The following TCF12 variants were observed in gnomAD, a reference collection of about 807,000 sequenced individuals.
The protein encoded by TCF12 is DNA-binding protein HTF4.
TCF12 carries 45 observed loss-of-function variants against 86.0 expected under a neutral mutation model. The ratio of observed to expected loss-of-function variants is 0.52; its 90% CI spans 0.41 to 0.67. The LOEUF (loss-of-function observed/expected upper bound fraction) is 0.67, where lower values mean the gene tolerates loss of function less well. Among genes scored for constraint, TCF12 ranks in the 30% least tolerant of loss-of-function variants. The pLI is 0.00. For synonymous variants in TCF12, 330 were observed against 299.6 expected (o/e 1.10, Z -1.05); for missense variants, 881 against 859.9 (o/e 1.02, Z -0.31).
intron 3 of TCF12, among the ~76,000 whole-genome samples, chr15:56,990,586 TG>T (rs2140961314): frequency 6.6e-6 from 1 of 152,186 alleles, no homozygotes; most frequent in South Asian, 2.1e-4. Flanking sequence ...TCTACAGGTT[TG>T]GGGGGTAAAT....
intron 3 of TCF12, among the ~76,000 whole-genome samples, chr15:57,048,140 A>G (rs950469239): frequency 1.3e-5 from 2 of 152,200 alleles, no homozygotes; most frequent in Admixed American, 1.3e-4. Context: ...ATAACATTGC[A>G]TTTACCTTCT....
intron 5 of TCF12, among the ~76,000 whole-genome samples, chr15:57,123,968 C>CAA (rs71113066): frequency 2.5e-5 from 2 of 81,070 alleles, no homozygotes; most frequent in Non-Finnish European, 2.5e-5. Context: ...GACTCCGTCT[C>CAA]AAAAAAAAAA....
At chr15:57,204,282 C>T in intron 8 of TCF12, among the ~76,000 whole-genome samples, 1 of 151,936 alleles carries the variant, frequency 6.6e-6, no homozygotes, top group East Asian at 1.9e-4. Context: ...CACACACACA[C>T]AAAAAAATAT....
At chr15:56,998,680 A>G (rs78998596) in intron 3 of TCF12, among the ~76,000 whole-genome samples, 6,323 of 152,230 alleles carry the variant, frequency 0.042, 367 homozygotes, top group African/African-American at 0.13. Flanking sequence ...AACATTATCA[A>G]CTAGATAGAT....
chr15:56,980,895 T>C (rs1295752553), intron 3 of TCF12, among the ~76,000 whole-genome samples: 2 of 152,346 alleles, frequency 1.3e-5, no homozygotes, highest in South Asian at 2.1e-4. Flanking sequence ...ATGCAGTAGA[T>C]AGTTGTTGGA....
intron 8 of TCF12, among the ~76,000 whole-genome samples, chr15:57,205,150 A>G (rs1202960310): frequency 6.6e-6 from 1 of 152,010 alleles, no homozygotes; most frequent in African/African-American, 2.4e-5. Flanking sequence ...CCGCCTCTAT[A>G]AAGAAATACA....
intron 6 of TCF12, among the ~76,000 whole-genome samples, chr15:57,167,299 G>A (rs910152842): frequency 6.6e-6 from 1 of 152,154 alleles, no homozygotes; most frequent in Non-Finnish European, 1.5e-5. Flanking sequence ...GGTGGCTCAC[G>A]CCTGTAATCC....
intron 3 of TCF12, among the ~76,000 whole-genome samples, chr15:57,004,393 A>G (rs1367669381): frequency 1.3e-5 from 2 of 151,912 alleles, no homozygotes; most frequent in African/African-American, 4.8e-5. Flanking sequence ...GTGCACCACC[A>G]TGCCTGGCTA....
At chr15:57,050,434 C>G (rs1451645785) in intron 3 of TCF12, among the ~76,000 whole-genome samples, 1 of 152,024 alleles carries the variant, frequency 6.6e-6, no homozygotes, top group African/African-American at 2.4e-5. Context: ...TATCATTTTG[C>G]TCTTATGTAA....
upstream of TCF12, chr15:56,918,322 G>A (rs952502310): frequency 6.6e-6 from 3 of 452,484 alleles, no homozygotes; most frequent in African/African-American, 2.0e-5. Context: ...TTCGGGGGCC[G>A]AGAACCAGCA....
At chr15:57,001,009 A>G (rs1340487763) in intron 3 of TCF12, among the ~76,000 whole-genome samples, 7 of 135,938 alleles carry the variant, frequency 5.1e-5, no homozygotes, top group African/African-American at 1.8e-4. Flanking sequence ...AAATTTAAAA[A>G]AAATTTTTTT....
intron 4 of TCF12, among the ~76,000 whole-genome samples, chr15:57,079,092 AGTTT>A (rs1189501986): frequency 2.0e-5 from 3 of 152,246 alleles, no homozygotes; most frequent in African/African-American, 7.2e-5. Flanking sequence ...AAGCAGTATC[AGTTT>A]GGACTAAATG....
chr15:57,107,349 A>C (rs2050203378), intron 5 of TCF12, among the ~76,000 whole-genome samples: 1 of 150,948 alleles, frequency 6.6e-6, no homozygotes, highest in Non-Finnish European at 1.5e-5. Context: ...TATATTGTGT[A>C]ATTTCAACTA....
At chr15:57,170,259 G>T (rs2055211698) in intron 6 of TCF12, among the ~76,000 whole-genome samples, 1 of 151,510 alleles carries the variant, frequency 6.6e-6, no homozygotes, top group Non-Finnish European at 1.5e-5. Flanking sequence ...TTGAGAAGGA[G>T]ACAGGGAATT....
At chr15:57,063,340 G>T (rs1246982334) in intron 3 of TCF12, among the ~76,000 whole-genome samples, 1 of 152,080 alleles carries the variant, frequency 6.6e-6, no homozygotes, top group Non-Finnish European at 1.5e-5. Flanking sequence ...TTGAATGATT[G>T]TTTGTCTTGC....
intron 12 of TCF12, among the ~76,000 whole-genome samples, chr15:57,242,060 TA>T (rs11310663): frequency 0.98 from 148,995 of 152,240 alleles, 72,998 homozygotes; most frequent in East Asian, 1. Context: ...CCTGTCCCAA[TA>T]ATCTGGCTTT....
intron 18 of TCF12, among the ~76,000 whole-genome samples, chr15:57,269,360 CTTTTTTTTTT>C (rs56700978): frequency 6.3e-5 from 2 of 31,944 alleles, no homozygotes; most frequent in Non-Finnish European, 5.2e-5. Context: ...ACAACCCCTG[CTTTTTTTTTT>C]TTTTTTTTTT....
intron 3 of TCF12, among the ~76,000 whole-genome samples, chr15:57,006,933 A>G (rs1236911247): frequency 6.6e-6 from 1 of 152,160 alleles, no homozygotes; most frequent in Non-Finnish European, 1.5e-5. Context: ...AACAGCAGCA[A>G]CAACAACAAA....
chr15:57,282,165 A>G (rs2061719866), intron 19 of TCF12: 1 of 434,170 alleles, frequency 2.3e-6, no homozygotes, highest in Admixed American at 4.0e-5. Context: ...AGCATTTGCC[A>G]AAATGTTTGA....
Sources: gnomAD v4.1 joint callset for allele counts (sites outside exome capture counted in the v4.1 genomes callset) on GRCh38, gnomAD v4.1.1 for gene constraint, MANE v1.5 for transcripts, NCBI Gene and HGNC (gene_info 2026-07-23, HGNC 2026-07-21) for gene names.